The following PDE7B variants were observed in gnomAD, a reference collection of about 807,000 sequenced individuals.
PDE7B encodes 3',5'-cyclic-AMP phosphodiesterase 7B.
A neutral mutation model predicts 56.2 loss-of-function variants in PDE7B; 29 were observed. The observed-to-expected ratio is 0.52, with a 90% CI of 0.38 to 0.70. The LOEUF (loss-of-function observed/expected upper bound fraction) is 0.70. Among genes scored for constraint, PDE7B ranks in the 30% least tolerant of loss-of-function variants. The probability of loss-of-function intolerance (pLI) is 0.00; values close to 1 mark genes in which losing one functional copy is unlikely to be tolerated. For missense variants in PDE7B, 490 were observed against 565.0 expected (o/e 0.87, Z 1.35); for synonymous variants, 197 against 196.9 (o/e 1.00, Z 0.00).
chr6:135,944,779 A>G (rs1774565432), intron 1 of PDE7B, among the ~76,000 whole-genome samples: 1 of 152,222 alleles, frequency 6.6e-6, no homozygotes, highest in African/African-American at 2.4e-5. Flanking sequence ...TGAGTGGCAC[A>G]TATAAGGCTG....
At chr6:136,127,884 T>A (rs1778049014) in intron 3 of PDE7B, among the ~76,000 whole-genome samples, 1 of 152,196 alleles carries the variant, frequency 6.6e-6, no homozygotes, top group Non-Finnish European at 1.5e-5. Context: ...ATGAAAACTT[T>A]CCAGGATGAA....
intron 2 of PDE7B, among the ~76,000 whole-genome samples, chr6:136,024,463 T>C (rs1316719056): frequency 6.6e-6 from 1 of 152,180 alleles, no homozygotes; most frequent in African/African-American, 2.4e-5. Context: ...ATATCCTTTA[T>C]TTTTCCTTTC....
intron 2 of PDE7B, among the ~76,000 whole-genome samples, chr6:136,060,316 T>C (rs995995654): frequency 1.3e-5 from 2 of 152,164 alleles, no homozygotes; most frequent in Non-Finnish European, 2.9e-5. Context: ...TTCCTCTCCT[T>C]GTACTTTCTC....
chr6:136,151,358 T>G (rs4896202), intron 6 of PDE7B, 103 bp downstream of exon 6: 279,732 of 612,184 alleles, frequency 0.46, 65,395 homozygotes, highest in African/African-American at 0.59. Context: ...GATAGATGCA[T>G]ACCTCCAATT....
intron 2 of PDE7B, among the ~76,000 whole-genome samples, chr6:135,961,335 A>G (rs1774898583): frequency 1.3e-5 from 2 of 148,468 alleles, no homozygotes; most frequent in African/African-American, 2.5e-5. Context: ...TATTCTGCCA[A>G]AAAGTTTTCC....
intron 12 of PDE7B, among the ~76,000 whole-genome samples, chr6:136,191,013 C>CTTTTTTTTTTTTTTTTTTTTTTTTTTT (rs752187218): frequency 2.0e-5 from 2 of 99,304 alleles, no homozygotes; most frequent in African/African-American, 1.8e-4. Flanking sequence ...CCAGCATACA[C>CTTTTTTTTTTTTTTTTTTTTTTTTTTT]TTTTTTTTTT....
intron 1 of PDE7B, among the ~76,000 whole-genome samples, chr6:135,876,990 G>T (rs1411458450): frequency 6.6e-6 from 1 of 151,818 alleles, no homozygotes; most frequent in Non-Finnish European, 1.5e-5. Context: ...TTATTGAACT[G>T]GGTCTAAAAT....
chr6:136,014,388 T>A (rs1416733392), intron 2 of PDE7B, among the ~76,000 whole-genome samples: 1 of 152,238 alleles, frequency 6.6e-6, no homozygotes, highest in Non-Finnish European at 1.5e-5. Context: ...TGTGTGCATG[T>A]ATACACATGA....
At chr6:135,872,012 A>G (rs1402488357) in intron 1 of PDE7B, among the ~76,000 whole-genome samples, 3 of 152,226 alleles carry the variant, frequency 2.0e-5, no homozygotes, top group Non-Finnish European at 4.4e-5. Flanking sequence ...AATTCAAGCA[A>G]TGCGGGAGAA....
rs1333769109 is a variant in PDE7B, at chr6:135,863,297, ATATAT to A, written c.21+11285_21+11289del. On this transcript the variant is annotated intron_variant, in intron 1 of 12. Coordinates refer to ENST00000308191, the MANE Select transcript of PDE7B (RefSeq NM_018945.4). ...TCCTTTATTTTGCCATCATTTGCTT[ATATAT>A]TATATTGAACAATGTAAAATTGCCA... is the stretch of plus-strand genomic sequence containing the variant. 5.3e-5 allele frequency among the ~76,000 whole-genome samples: 8 copies of A among 152,068 alleles called. No homozygotes were observed. The East Asian group carries it at 7.7e-4, about 15-fold the overall frequency.
Position 136,191,786 on chromosome 6 carries a change from C to T in PDE7B, c.1299C>T (p.His433=), listed in dbSNP as rs777746234. ...SRGSSGSGPD[H]DHAGQGTESE... is the part of the protein sequence containing the mutation. Reference sequence around the variant, plus strand: ...GCAGCAGTGGCAGCGGGCCTGACCACGACCACGCAGGCCAAGGGACTGAGA... The same window carrying T: ...GCAGCAGTGGCAGCGGGCCTGACCATGACCACGCAGGCCAAGGGACTGAGA... The change falls in exon 13 of 13, where the codon CAC becomes CAT. Residue 433 remains histidine (H), a synonymous_variant. Transcript: ENST00000308191. 4 of 1,571,668 alleles carry T rather than the reference C, an allele frequency of 2.5e-6. No homozygotes were observed. Among genetic ancestry groups the T allele is most frequent in the Non-Finnish European group, 3.5e-6 (4 of 1,159,172 alleles).
chr6:136,087,498 C>A lies in PDE7B; in HGVS notation c.83-21233C>A, dbSNP rs1437642064. 4.6e-5 allele frequency among the ~76,000 whole-genome samples: 7 copies of A among 152,232 alleles called. 1 individual carries two copies. In the South Asian group the frequency reaches 1.2e-3, roughly 27 times the overall value. On this transcript the variant is annotated intron_variant, in intron 2 of 12. Transcript: ENST00000308191. Reference sequence around the variant, plus strand: ...AAGAAGAGCAAGAGACATTTTCCCCCAAAATTTATTCTGACTTGGAAATTA... The same window carrying A: ...AAGAAGAGCAAGAGACATTTTCCCCAAAAATTTATTCTGACTTGGAAATTA...
chr6:136,108,819 G>T lies in PDE7B; in HGVS notation c.166+5G>T, dbSNP rs370460897. The T allele has an allele frequency of 6.6e-7, 1 of 1,511,816 alleles. No homozygotes were observed. Among genetic ancestry groups the T allele is most frequent in the Non-Finnish European group, 9.2e-7 (1 of 1,086,900 alleles). 93.7% of individuals were successfully genotyped at this position (1,511,816 alleles called of 1,614,324 possible). ...TTGACTTCCGCCTACTTAACAGTGA[G>T]TAATCAAGTGTACCTGGAAAGGAAC... On this transcript the variant is annotated splice_donor_5th_base_variant and intron_variant, in intron 3 of 12. Transcript: ENST00000308191.
At chr6:136,113,817 C>A (rs563398294) in intron 3 of PDE7B, among the ~76,000 whole-genome samples, 17 of 152,196 alleles carry the variant, frequency 1.1e-4, no homozygotes. Flanking sequence ...GCAGAGCAGG[C>A]GGCTCCAGCA....
chr6:135,852,112 A>G, intron 1 of PDE7B, 93 bp downstream of exon 1: 1 of 867,974 alleles, frequency 1.2e-6, no homozygotes, highest in Non-Finnish European at 2.0e-6. Flanking sequence ...ATGAACCTGT[A>G]CATATATATG....
chr6:135,862,601 C>T (rs1356622870), intron 1 of PDE7B, among the ~76,000 whole-genome samples: 1 of 151,506 alleles, frequency 6.6e-6, no homozygotes, highest in Non-Finnish European at 1.5e-5. Context: ...TATTTTTTTT[C>T]CTCAAATATT....
At chr6:135,988,268 C>A (rs112027621) in intron 2 of PDE7B, among the ~76,000 whole-genome samples, 2 of 151,384 alleles carry the variant, frequency 1.3e-5, no homozygotes, top group African/African-American at 4.9e-5. Context: ...GTGGTCCCAG[C>A]GTGTGGAATT....
intron 2 of PDE7B, among the ~76,000 whole-genome samples, chr6:136,065,792 G>T (rs575327126): frequency 1.3e-5 from 2 of 152,208 alleles, no homozygotes; most frequent in East Asian, 3.9e-4. Flanking sequence ...GTCTGATTAG[G>T]CATAAATTTC....
rs149377450 is a variant in PDE7B, at chr6:136,146,992, A to G, written c.167-359A>G. Among the ~76,000 whole-genome samples, 51 of 152,188 alleles carry G rather than the reference A, an allele frequency of 3.4e-4. 1 individual carries two copies. Among genetic ancestry groups the G allele is most frequent in the Admixed American group, 2.6e-3 (39 of 15,286 alleles). The stretch of plus-strand genomic sequence containing the variant: ...ACTTGTCTCCACAAAAAATATAAAT[A>G]TTAGCTAGGCATGGTGGCACATGCC... On this transcript the variant is annotated intron_variant, in intron 3 of 12. Transcript: ENST00000308191.
Sources: gnomAD v4.1 joint callset for allele counts (sites outside exome capture counted in the v4.1 genomes callset) on GRCh38, gnomAD v4.1.1 for gene constraint, MANE v1.5 for transcripts, NCBI Gene and HGNC (gene_info 2026-07-23, HGNC 2026-07-21) for gene names.